Variants in MACROH2A1 observed in about 807,000 individuals in gnomAD.
The protein encoded by MACROH2A1 is macroH2A.1 histone.
In MACROH2A1, 2 loss-of-function variants were observed where a neutral mutation model predicts 31.6. The ratio of observed to expected loss-of-function variants is 0.06; its 90% CI spans 0.03 to 0.20. The LOEUF (loss-of-function observed/expected upper bound fraction) is 0.20. MACROH2A1 is among the 10% of genes least tolerant of loss of function. The probability of loss-of-function intolerance (pLI) is 1.00; values close to 1 mark genes in which losing one functional copy is unlikely to be tolerated. For synonymous variants in MACROH2A1, 169 were observed against 189.6 expected, an observed-to-expected ratio of 0.89 and a Z score of 0.89; for missense variants, 230 against 474.0, an observed-to-expected ratio of 0.49 and a Z score of 4.78.
chr5:135,353,134 C>A (rs1761776149), intron 5 of MACROH2A1, 89 bp from the exon 6 acceptor site: 3 of 825,648 alleles, frequency 3.6e-6, no homozygotes, highest in East Asian at 4.9e-5. Flanking sequence ...GGACAGTGGA[C>A]ACTCCAAGTG....
chr5:135,341,009 G>A (rs1759748453), intron 8 of MACROH2A1, among the ~76,000 whole-genome samples: 1 of 152,202 alleles, frequency 6.6e-6, no homozygotes, highest in Admixed American at 6.5e-5. Context: ...AATAACAGAT[G>A]CTCTTTTATG....
chr5:135,338,053 G>T, intron 8 of MACROH2A1: 1 of 1,100,730 alleles, frequency 9.1e-7, no homozygotes. Context: ...GCCTCAAAAT[G>T]TCTTGCTGCC....
chr5:135,365,345 G>A (rs1763365982), intron 4 of MACROH2A1, among the ~76,000 whole-genome samples: 1 of 152,138 alleles, frequency 6.6e-6, no homozygotes, highest in Admixed American at 6.5e-5. Context: ...TCTGCCAGGA[G>A]CTCTCTGCCC....
chr5:135,359,764 T>A, intron 5 of MACROH2A1: 2 of 954,844 alleles, frequency 2.1e-6, no homozygotes, highest in Non-Finnish European at 2.5e-6. Flanking sequence ...AAGTATAGGA[T>A]TAAAAAATTA....
chr5:135,377,288 T>C (rs369478567), intron 2 of MACROH2A1, among the ~76,000 whole-genome samples: 1 of 152,310 alleles, frequency 6.6e-6, no homozygotes, highest in South Asian at 2.1e-4. Context: ...CACCAATCAC[T>C]TGCTGTCAAG....
At chr5:135,359,285 C>T (rs757045802) in intron 5 of MACROH2A1, 12 of 985,230 alleles carry the variant, frequency 1.2e-5, no homozygotes, top group South Asian at 4.7e-5. Flanking sequence ...GGATGGGTCA[C>T]GTTAACTTTC....
At position 135,388,928 on chromosome 5, in the gene MACROH2A1, G is replaced by A. The variant is rs1034873847; in HGVS notation, c.166C>T (p.Leu56=). ...PVYMAAVLEY[L]TAEILELAGN... Reference sequence around the variant, plus strand: ...TTGACTGAGGTACACTCACCTGTCAGGTATTCCAGGACGGCGGCCATGTAC... The same window carrying A: ...TTGACTGAGGTACACTCACCTGTCAAGTATTCCAGGACGGCGGCCATGTAC... The change falls in exon 2 of 9, where the codon CTG becomes TTG. Residue 56 remains leucine, a synonymous_variant. Coordinates refer to ENST00000511689, the MANE Select transcript of MACROH2A1 (RefSeq NM_138610.3). 1.9e-6 allele frequency: 3 copies of A among 1,604,266 alleles called. No homozygotes were observed. The highest frequency in any genetic ancestry group is 2.6e-6 in the Non-Finnish European group (3 of 1,172,178).
chr5:135,386,504 T>A (rs1766422974), intron 2 of MACROH2A1, among the ~76,000 whole-genome samples: 1 of 152,258 alleles, frequency 6.6e-6, no homozygotes, highest in Non-Finnish European at 1.5e-5. Context: ...ATGTGGCTGA[T>A]GCCAGAGTAA....
intron 2 of MACROH2A1, among the ~76,000 whole-genome samples, chr5:135,374,170 T>C (rs1764552371): frequency 6.6e-6 from 1 of 152,162 alleles, no homozygotes; most frequent in Non-Finnish European, 1.5e-5. Flanking sequence ...CTCTCATCCT[T>C]AGTCCAGGTT....
At chr5:135,372,021 G>A (rs900620140) in intron 2 of MACROH2A1, among the ~76,000 whole-genome samples, 4 of 152,276 alleles carry the variant, frequency 2.6e-5, no homozygotes, top group Admixed American at 6.5e-5. Context: ...GCTACTCAAG[G>A]AAACTCTCAT....
intron 8 of MACROH2A1, among the ~76,000 whole-genome samples, chr5:135,337,018 C>G (rs749391422): frequency 6.6e-6 from 1 of 152,192 alleles, no homozygotes; most frequent in Admixed American, 6.5e-5. Flanking sequence ...CCTGGATCAA[C>G]GGGGGCTGCA....
At chr5:135,336,314 C>T (rs996485070) in intron 8 of MACROH2A1, among the ~76,000 whole-genome samples, 1 of 152,222 alleles carries the variant, frequency 6.6e-6, no homozygotes, top group Non-Finnish European at 1.5e-5. Flanking sequence ...ATTTCACAGC[C>T]ACAGGGGAAA....
chr5:135,383,436 G>C (rs1266427814), intron 2 of MACROH2A1, among the ~76,000 whole-genome samples: 1 of 152,150 alleles, frequency 6.6e-6, no homozygotes, highest in East Asian at 1.9e-4. Context: ...GATTATGAAT[G>C]AGTTTTAGTT....
At chr5:135,378,840 A>G (rs893866400) in intron 2 of MACROH2A1, among the ~76,000 whole-genome samples, 1 of 152,172 alleles carries the variant, frequency 6.6e-6, no homozygotes, top group Non-Finnish European at 1.5e-5. Flanking sequence ...TAGAATTCAG[A>G]GCACTTCCCC....
At chr5:135,358,095 T>G in intron 5 of MACROH2A1, 2 of 983,252 alleles carry the variant, frequency 2.0e-6, no homozygotes, top group Non-Finnish European at 2.4e-6. Flanking sequence ...GTCTATAATA[T>G]TTTAAATGTG....
intron 8 of MACROH2A1, among the ~76,000 whole-genome samples, chr5:135,335,588 T>G (rs749295737): frequency 6.6e-6 from 1 of 151,974 alleles, no homozygotes; most frequent in Non-Finnish European, 1.5e-5. Context: ...CACAGAAGAG[T>G]TACCCCTTCA....
In MACROH2A1 at chr5:135,369,390, T is replaced by C; in HGVS notation, c.477+16A>G. The C allele has an allele frequency of 6.2e-7, 1 of 1,608,064 alleles. No homozygotes were observed. Among genetic ancestry groups the C allele is most frequent in the Non-Finnish European group, 8.5e-7 (1 of 1,174,524 alleles). Reference sequence around the variant, plus strand: ...CCATCCTATCCCACTTCATACATTCTGGCCAAATCACATACCTTGGATTTC... The same window carrying C: ...CCATCCTATCCCACTTCATACATTCCGGCCAAATCACATACCTTGGATTTC... On this transcript the variant is annotated intron_variant, in intron 4 of 8. Coordinates refer to ENST00000511689, the MANE Select transcript of MACROH2A1 (RefSeq NM_138610.3). This position sits in a 1 kb window ranked among gnomAD's most constrained non-coding sequence, Gnocchi z 4.3.
intron 2 of MACROH2A1, among the ~76,000 whole-genome samples, chr5:135,381,488 A>T (rs1765645167): frequency 1.3e-5 from 2 of 152,208 alleles, no homozygotes; most frequent in South Asian, 4.1e-4. Context: ...AGTGGCATGC[A>T]CCTATAGTCT....
At chr5:135,343,779 CA>C (rs991326497) in intron 7 of MACROH2A1, 2 of 295,820 alleles carry the variant, frequency 6.8e-6, no homozygotes, top group African/African-American at 4.3e-5. Context: ...AGAACATTTG[CA>C]GCCTCAAAAT....
Sources: allele counts gnomAD v4.1 joint callset (sites outside exome capture counted in the v4.1 genomes callset), GRCh38; gene constraint gnomAD v4.1.1; non-coding constraint Gnocchi (gnomAD v3.1); transcripts MANE v1.5; gene names NCBI Gene and HGNC (gene_info 2026-07-23, HGNC 2026-07-21).